DNAJC11: variants seen among roughly 807,000 people sequenced by gnomAD.
DNAJC11 encodes DnaJ heat shock protein family (Hsp40) member C11, also known as dnaJ homolog subfamily C member 11.
Under a neutral mutation model 78.6 loss-of-function variants are expected in DNAJC11, and 15 were observed. The ratio of observed to expected loss-of-function variants is 0.19; its 90% CI spans 0.13 to 0.29. The LOEUF (loss-of-function observed/expected upper bound fraction) is 0.29. Ranked by LOEUF, DNAJC11 falls within the 10% of genes least tolerant of loss-of-function variation. The pLI is 1.00. For synonymous variants in DNAJC11, 292 were observed against 272.1 expected (o/e 1.07, Z -0.72); for missense variants, 547 against 709.6 (o/e 0.77, Z 2.60).
At chr1:6,674,042 C>A (rs1642422653) in intron 3 of DNAJC11, among the ~76,000 whole-genome samples, 1 of 152,180 alleles carries the variant, frequency 6.6e-6, no homozygotes, top group Non-Finnish European at 1.5e-5. Flanking sequence ...ATGGCAGTTG[C>A]CAGCCATTAC....
chr1:6,647,160 C>A (rs1284550206), intron 7 of DNAJC11, among the ~76,000 whole-genome samples: 1 of 146,382 alleles, frequency 6.8e-6, no homozygotes, highest in Non-Finnish European at 1.5e-5. Flanking sequence ...CAGCTCACTG[C>A]AACCTCCGCC....
At chr1:6,671,392 G>A (rs1181000530) in intron 3 of DNAJC11, among the ~76,000 whole-genome samples, 1 of 151,890 alleles carries the variant, frequency 6.6e-6, no homozygotes, top group African/African-American at 2.4e-5. Context: ...ACAGGCATCT[G>A]CCACCACGCC....
intron 1 of DNAJC11, among the ~76,000 whole-genome samples, chr1:6,692,217 T>C (rs571558612): frequency 1.2e-4 from 19 of 152,334 alleles, no homozygotes; most frequent in East Asian, 7.7e-4. Context: ...AACTGGCTTA[T>C]AGATCATTAA....
At chr1:6,661,189 A>G (rs1176571896) in intron 4 of DNAJC11, among the ~76,000 whole-genome samples, 12 of 152,190 alleles carry the variant, frequency 7.9e-5, no homozygotes, top group Non-Finnish European at 2.9e-5. Context: ...GTAACATAAG[A>G]AATTTCTGTC....
intron 1 of DNAJC11, among the ~76,000 whole-genome samples, chr1:6,699,757 A>T (rs537383861): frequency 1.8e-4 from 25 of 142,324 alleles, no homozygotes; most frequent in South Asian, 2.1e-4. Flanking sequence ...GTATAATTTA[A>T]AAAAAAAAGG....
At chr1:6,691,056 T>C (rs929802120) in intron 1 of DNAJC11, among the ~76,000 whole-genome samples, 3 of 152,092 alleles carry the variant, frequency 2.0e-5, no homozygotes, top group Admixed American at 1.3e-4. Flanking sequence ...ATAGGAACAA[T>C]TTTTGAAACT....
chr1:6,641,390 A>ATAT (rs1393226465), intron 10 of DNAJC11, among the ~76,000 whole-genome samples: 4 of 127,162 alleles, frequency 3.1e-5, no homozygotes, highest in African/African-American at 8.9e-5. Context: ...AAAAAAAAAA[A>ATAT]ATATATATAT....
At chr1:6,651,469 G>GTT in intron 7 of DNAJC11, 60 bp downstream of exon 7, 1 of 1,440,390 alleles carries the variant, frequency 6.9e-7, no homozygotes. Context: ...AGAACACACA[G>GTT]TTCTAGTCTC....
intron 1 of DNAJC11, among the ~76,000 whole-genome samples, chr1:6,697,142 G>A (rs1047072873): frequency 2.6e-5 from 4 of 152,174 alleles, no homozygotes; most frequent in African/African-American, 9.7e-5. Context: ...TGGCTTTGGT[G>A]TGCCCAGTGA....
chr1:6,663,443 G>GGAAA (rs1321318824), intron 4 of DNAJC11, among the ~76,000 whole-genome samples: 1 of 152,172 alleles, frequency 6.6e-6, no homozygotes, highest in Non-Finnish European at 1.5e-5. Flanking sequence ...CACAGAGGGA[G>GGAAA]AAGATTTATG....
At chr1:6,643,138 C>T (rs184475184) in intron 10 of DNAJC11, among the ~76,000 whole-genome samples, 3 of 152,182 alleles carry the variant, frequency 2.0e-5, no homozygotes, top group East Asian at 1.9e-4. Flanking sequence ...AGAAGAATCA[C>T]CCTCTGATCT....
intron 1 of DNAJC11, among the ~76,000 whole-genome samples, chr1:6,684,613 A>G (rs1472561036): frequency 6.6e-6 from 1 of 152,224 alleles, no homozygotes; most frequent in East Asian, 1.9e-4. Flanking sequence ...TTTCATTTTT[A>G]ATAAATATCA....
intron 4 of DNAJC11, among the ~76,000 whole-genome samples, chr1:6,658,845 C>G (rs1642168320): frequency 6.6e-6 from 1 of 152,328 alleles, no homozygotes; most frequent in African/African-American, 2.4e-5. Flanking sequence ...ACTGCTGCCC[C>G]CCTGGCCAGC....
rs781731643 is a variant in DNAJC11 at position 6,634,494 on chromosome 1, G to A, written c.*1181C>T. ...AACAGCTGTGGGTGGGCTGGAGGCC[G>A]GCGCAGCTTGGGGCCCCCCGCGCCA... is the stretch of plus-strand genomic sequence containing the variant. On this transcript the variant is annotated 3_prime_UTR_variant, in exon 16 of 16. Coordinates refer to ENST00000377577, the MANE Select transcript of DNAJC11 (RefSeq NM_018198.4). The A allele has an allele frequency of 1.5e-5, 20 of 1,339,610 alleles. 1 individual carries two copies. The highest frequency in any genetic ancestry group is 5.9e-5 in the South Asian group (5 of 84,134). The allele number at this position is 1,339,610 out of a possible 1,614,324, so 83.0% of individuals were successfully genotyped here. A position where few individuals can be genotyped will look rare whatever the true frequency, so the allele number is the denominator to read the frequency against.
At chr1:6,646,014 G>T in intron 7 of DNAJC11, 36 bp from the exon 8 acceptor site, 1 of 1,602,396 alleles carries the variant, frequency 6.2e-7, no homozygotes, top group Non-Finnish European at 8.5e-7. Flanking sequence ...GTCCTGGATA[G>T]CACCTGCTCT....
At chr1:6,688,678 C>T (rs2147883471) in intron 1 of DNAJC11, among the ~76,000 whole-genome samples, 1 of 152,262 alleles carries the variant, frequency 6.6e-6, no homozygotes, top group African/African-American at 2.4e-5. Context: ...GGTGGTGAGA[C>T]CCCAATGAGA....
At chr1:6,648,185 C>T (rs1356360143) in intron 7 of DNAJC11, among the ~76,000 whole-genome samples, 4 of 152,110 alleles carry the variant, frequency 2.6e-5, no homozygotes, top group Admixed American at 6.5e-5. Context: ...GACAGAGTCT[C>T]GGCTCTGTCG....
chr1:6,641,919 T>TG (rs1363384125), intron 10 of DNAJC11, among the ~76,000 whole-genome samples: 2 of 152,144 alleles, frequency 1.3e-5, no homozygotes, highest in East Asian at 1.9e-4. Context: ...ACTGGCTCGT[T>TG]GGAGATTGAA....
chr1:6,688,757 A>G (rs1642696834), intron 1 of DNAJC11, among the ~76,000 whole-genome samples: 1 of 152,208 alleles, frequency 6.6e-6, no homozygotes, highest in Non-Finnish European at 1.5e-5. Flanking sequence ...GGAAAATAAT[A>G]ACAGGCCGGT....
Sources: allele counts gnomAD v4.1 joint callset (sites outside exome capture counted in the v4.1 genomes callset), GRCh38; gene constraint gnomAD v4.1.1; transcripts MANE v1.5; gene names NCBI Gene and HGNC (gene_info 2026-07-23, HGNC 2026-07-21).